The following MAP3K20 variants were observed in gnomAD, a reference collection of about 807,000 sequenced individuals.
MAP3K20 encodes the protein HCCS-4.
A neutral mutation model predicts 85.7 loss-of-function variants in MAP3K20; 40 were observed. The ratio of observed to expected loss-of-function variants is 0.47; its 90% confidence interval spans 0.36 to 0.61. MAP3K20 has a LOEUF of 0.61. Ranked by LOEUF, MAP3K20 falls within the 20% of genes least tolerant of loss-of-function variation. MAP3K20 has a pLI of 0.00. For synonymous variants in MAP3K20, 325 were observed against 327.7 expected (o/e 0.99, Z 0.09); for missense variants, 817 against 961.7 (o/e 0.85, Z 1.99).
intron 11 of MAP3K20, chr2:173,226,243 G>A (rs894623922): frequency 5.6e-5 from 55 of 985,208 alleles, no homozygotes; most frequent in Admixed American, 6.2e-5. Flanking sequence ...ATTACTGTGC[G>A]TACAACTTTA....
At chr2:173,219,837 G>A (rs187421236) in intron 11 of MAP3K20, among the ~76,000 whole-genome samples, 1 of 152,082 alleles carries the variant, frequency 6.6e-6, no homozygotes, top group Non-Finnish European at 1.5e-5. Context: ...GGGAGGCTGA[G>A]GGGGGTGGAT....
chr2:173,120,824 C>T (rs1361796042), intron 2 of MAP3K20, among the ~76,000 whole-genome samples: 1 of 149,498 alleles, frequency 6.7e-6, no homozygotes, highest in African/African-American at 2.5e-5. Flanking sequence ...TCCCCTGCCT[C>T]AGCCTCCTGA....
At chr2:173,258,541 T>C (rs1031278189) in intron 16 of MAP3K20, among the ~76,000 whole-genome samples, 158 bp from the exon 17 acceptor site, 1 of 148,306 alleles carries the variant, frequency 6.7e-6, no homozygotes, top group Non-Finnish European at 1.5e-5. Context: ...TAGATATACA[T>C]AGGAATCTAA....
Position 173,223,225 on chromosome 2 carries a change from TGAA to T in MAP3K20, c.987+5979_987+5981del, listed in dbSNP as rs1379225083. ...TACAGCAGTCTAGGTGGCATAGTGA[TGAA>T]GAAAGGGATCAGAGTCTGACTGTCA... On this transcript the variant is annotated intron_variant, in intron 11 of 19. Transcript: ENST00000375213. 5 of 985,294 alleles carry T rather than the reference TGAA, an allele frequency of 5.1e-6. No individual in the cohort carries two copies. The African/African-American group carries it at 8.7e-5, about 17-fold the overall frequency. 61.0% of individuals were successfully genotyped at this position (985,294 alleles called of 1,614,324 possible).
chr2:173,213,506 A>G (rs1296055711), intron 10 of MAP3K20, among the ~76,000 whole-genome samples: 1 of 152,250 alleles, frequency 6.6e-6, no homozygotes. Context: ...GTTGTCACTT[A>G]TTAGGTTCTT....
chr2:173,194,131 T>TG (rs1379918719), intron 7 of MAP3K20, among the ~76,000 whole-genome samples: 1 of 152,218 alleles, frequency 6.6e-6, no homozygotes, highest in Non-Finnish European at 1.5e-5. Flanking sequence ...GTGTGAGTCT[T>TG]GAAGACAGAG....
chr2:173,182,840 T>C lies in MAP3K20; in HGVS notation c.248-14T>C, dbSNP rs753534572. The stretch of plus-strand genomic sequence containing the variant: ...TTGATTTTAATTATATGCTTATCTT[T>C]CCTTTTAAAATAGAATATGCTTCTC... On this transcript the variant is annotated splice_polypyrimidine_tract_variant and intron_variant, in intron 3 of 19. Transcript: ENST00000375213. 8.4e-6 allele frequency: 13 copies of C among 1,545,844 alleles called. No individual in the cohort carries two copies. The highest frequency in any genetic ancestry group is 1.1e-5 in the Non-Finnish European group (13 of 1,140,808).
chr2:173,184,716 C>G (rs1436000674), intron 4 of MAP3K20, among the ~76,000 whole-genome samples: 1 of 152,126 alleles, frequency 6.6e-6, no homozygotes, highest in African/African-American at 2.4e-5. Context: ...TGAGATCAGC[C>G]TGGCCAACAA....
intron 2 of MAP3K20, among the ~76,000 whole-genome samples, chr2:173,123,955 A>C (rs537556234): frequency 2.0e-4 from 30 of 152,192 alleles, no homozygotes; most frequent in Non-Finnish European, 4.3e-4. Flanking sequence ...TGTACCCTAC[A>C]ATCTTTATAT....
intron 2 of MAP3K20, among the ~76,000 whole-genome samples, chr2:173,119,142 G>T (rs1244396342): frequency 6.6e-6 from 1 of 152,214 alleles, no homozygotes; most frequent in East Asian, 1.9e-4. Flanking sequence ...AGCACTTAAG[G>T]GAGGAACAGA....
chr2:173,126,482 C>A (rs548279191), intron 2 of MAP3K20, among the ~76,000 whole-genome samples: 1 of 152,100 alleles, frequency 6.6e-6, no homozygotes, highest in South Asian at 2.1e-4. Flanking sequence ...CAGGTTCAAG[C>A]GATTCTCATG....
chr2:173,229,175 AC>A (rs935271360), intron 11 of MAP3K20, among the ~76,000 whole-genome samples: 1 of 152,238 alleles, frequency 6.6e-6, no homozygotes, highest in African/African-American at 2.4e-5. Context: ...TTAGGACCGT[AC>A]CAATTTCCCA....
chr2:173,210,906 C>T (rs1279285824), intron 10 of MAP3K20: 1 of 151,828 alleles, frequency 6.6e-6, no homozygotes, highest in Non-Finnish European at 1.5e-5. Context: ...TATTTTTATT[C>T]CTTTGAAATA....
At chr2:173,230,689 G>A (rs1230932370) in intron 12 of MAP3K20, among the ~76,000 whole-genome samples, 3 of 152,166 alleles carry the variant, frequency 2.0e-5, no homozygotes, top group Non-Finnish European at 4.4e-5. Flanking sequence ...AAACAGGTAT[G>A]AAAATTCCTG....
At chr2:173,173,022 C>A (rs1382206854) in intron 3 of MAP3K20, among the ~76,000 whole-genome samples, 1 of 151,962 alleles carries the variant, frequency 6.6e-6, no homozygotes, top group East Asian at 1.9e-4. Context: ...AGTCTCTTGA[C>A]CTCATGATCC....
chr2:173,132,784 C>T (rs567481208), intron 2 of MAP3K20, among the ~76,000 whole-genome samples: 1 of 150,836 alleles, frequency 6.6e-6, no homozygotes, highest in Non-Finnish European at 1.5e-5. Flanking sequence ...ATTACACAAC[C>T]ACTAAATCTC....
chr2:173,076,117 G>T, intron 1 of MAP3K20, 115 bp downstream of exon 1: 1 of 805,232 alleles, frequency 1.2e-6, no homozygotes, highest in Non-Finnish European at 1.5e-6. Flanking sequence ...CGGGAGTCTA[G>T]GCGGCCTCGG....
intron 2 of MAP3K20, among the ~76,000 whole-genome samples, chr2:173,148,717 G>T (rs1382666334): frequency 1.3e-5 from 2 of 152,212 alleles, no homozygotes; most frequent in Non-Finnish European, 2.9e-5. Context: ...AACAGGAAAT[G>T]TGTGGGTATT....
chr2:173,149,461 T>A (rs1689234552), intron 2 of MAP3K20, among the ~76,000 whole-genome samples: 2 of 151,938 alleles, frequency 1.3e-5, no homozygotes, highest in Non-Finnish European at 2.9e-5. Context: ...GGAACACTCC[T>A]ATATTTTTCT....
Sources: allele counts gnomAD v4.1 joint callset (sites outside exome capture counted in the v4.1 genomes callset), GRCh38; gene constraint gnomAD v4.1.1; transcripts MANE v1.5; gene names NCBI Gene and HGNC (gene_info 2026-07-23, HGNC 2026-07-21).